Variants in NEU4 observed in about 807,000 individuals in gnomAD.
NEU4 encodes neuraminidase 4, also known as sialidase-4.
NEU4 carries 7 observed loss-of-function variants against 9.9 expected under a neutral mutation model. The observed-to-expected ratio is 0.71, with a 90% CI of 0.40 to 1.33. The LOEUF is 1.33. Among genes scored for constraint, NEU4 ranks in the 40% most tolerant of loss-of-function variants. The pLI, the probability that NEU4 is intolerant of heterozygous loss-of-function variation, is 0.01. For synonymous variants in NEU4, 348 were observed against 316.9 expected, an observed-to-expected ratio of 1.10 and a Z score of -1.04; for missense variants, 717 against 712.6, an observed-to-expected ratio of 1.01 and a Z score of -0.07.
intron 3 of NEU4, chr2:241,815,817 C>T (rs1700307025): frequency 1.7e-6 from 1 of 598,154 alleles, no homozygotes; most frequent in Non-Finnish European, 3.0e-6. Context: ...GGGCAGCGCT[C>T]ACCAGCCTCC....
At chr2:241,812,176 C>G (rs1700138727) in intron 1 of NEU4, among the ~76,000 whole-genome samples, 1 of 131,494 alleles carries the variant, frequency 7.6e-6, no homozygotes. Context: ...GGCACCCACA[C>G]AGGATGGGCT....
rs747353840 is a variant in NEU4, at chr2:241,815,002, G to T, written c.312G>T (p.Ala104=). The change falls in exon 3 of 4, where the codon GCG becomes GCT. Residue 104 remains alanine (A), a synonymous_variant. Transcript: ENST00000407683. ...GCACCGTCTTCCTCTTCTTCATCGC[G>T]GTGCTGGGCCACACGCCTGAGGCCG... ...GTGTVFLFFI[A]VLGHTPEAVQ... 1 of 1,606,856 alleles carries T rather than the reference G, an allele frequency of 6.2e-7. No homozygotes were observed.
intron 1 of NEU4, 26 bp from the exon 2 acceptor site, chr2:241,814,456 A>G (rs1408194400): frequency 1.4e-5 from 22 of 1,598,228 alleles, no homozygotes; most frequent in Non-Finnish European, 1.7e-5. Context: ...TGTCTTGCTG[A>G]CCTGTGGCCC....
rs1435756685 is a variant in NEU4, at chr2:241,817,192, G to A, written c.*144G>A. The stretch of plus-strand genomic sequence containing the variant: ...ACAAGTTGCTCCTCAGAGCTCTCAA[G>A]CAGGGACTGCTCTTTAGGAAGGGGA... On this transcript the variant is annotated 3_prime_UTR_variant, in exon 4 of 4. Coordinates refer to ENST00000407683, the MANE Select transcript of NEU4 (RefSeq NM_001167600.3). 3.6e-6 allele frequency: 3 copies of A among 823,198 alleles called. No homozygotes were observed. Among genetic ancestry groups the A allele is most frequent in the East Asian group, 3.3e-5 (1 of 30,016 alleles). The allele number at this position is 823,198 out of a possible 1,614,324, so 51.0% of individuals were successfully genotyped here. A position where few individuals can be genotyped will look rare whatever the true frequency, so the allele number is the denominator to read the frequency against.
chr2:241,817,290 C>T lies in NEU4; in HGVS notation c.*242C>T. ...CGAAGTGGGCCCTGGGTGACCCCCA[C>T]AGCTCCCTTCCGAGGCTGCAGGGCC... On this transcript the variant is annotated 3_prime_UTR_variant, in exon 4 of 4. Transcript: ENST00000407683. The T allele has an allele frequency of 2.0e-6, 1 of 496,214 alleles. No individual in the cohort carries two copies. The highest frequency in any genetic ancestry group is 4.4e-5 in the South Asian group (1 of 22,620). The allele number at this position is 496,214 out of a possible 1,614,324, so 30.7% of individuals were successfully genotyped here.
chr2:241,812,374 CG>C (rs1448670478), intron 1 of NEU4, among the ~76,000 whole-genome samples: 2 of 152,150 alleles, frequency 1.3e-5, no homozygotes, highest in East Asian at 1.9e-4. Context: ...TCAGGGAGGG[CG>C]GGGGGCACTG....
Position 241,809,579 on chromosome 2 carries a change from C to T in NEU4, c.-4+305C>T, listed in dbSNP as rs1044615415. Reference sequence around the variant, plus strand: ...TGGCTTTCACCCCACGGGGACAGAGCCCCAGATGGGCCCAGGGACCTCTGA... The same window carrying T: ...TGGCTTTCACCCCACGGGGACAGAGTCCCAGATGGGCCCAGGGACCTCTGA... On this transcript the variant is annotated intron_variant, in intron 1 of 3. Transcript: ENST00000407683. 10 of 324,900 alleles carry T rather than the reference C, an allele frequency of 3.1e-5. No individual in the cohort carries two copies. The East Asian group carries it at 3.8e-4, about 12-fold the overall frequency. The allele number at this position is 324,900 out of a possible 1,614,324, so 20.1% of individuals were successfully genotyped here. A position where few individuals can be genotyped will look rare whatever the true frequency, so the allele number is the denominator to read the frequency against.
intron 2 of NEU4, 64 bp downstream of exon 2, chr2:241,814,749 C>T (rs1020634089): frequency 2.4e-5 from 36 of 1,504,274 alleles, no homozygotes; most frequent in Non-Finnish European, 2.9e-5. Context: ...CTGCACACCC[C>T]GGGATGGGGC....
At chr2:241,814,177 C>G (rs4675992) in intron 1 of NEU4, 34,173 of 640,762 alleles carry the variant, frequency 0.053, 5,389 homozygotes, top group East Asian at 0.48. Context: ...CCAGCCTCCC[C>G]TGCACCCTGG....
chr2:241,816,398 C>T lies in NEU4; in HGVS notation c.805C>T (p.Leu269=). Residue 269 remains leucine, a synonymous_variant, in exon 4 of 4, where the codon CTG becomes TTG. Coordinates refer to ENST00000407683, the MANE Select transcript of NEU4 (RefSeq NM_001167600.3). ...CCTGCCCGCAGAGCGCGTGGCTTCC[C>T]TGCCCGAGACTGCCTGGGGCTGCCA... The part of the protein sequence containing the change: ...SFLPAERVAS[L]PETAWGCQGS... 6.2e-7 allele frequency: 1 copy of T among 1,601,860 alleles called. No homozygotes were observed. The highest frequency in any genetic ancestry group is 8.5e-7 in the Non-Finnish European group (1 of 1,176,862).
intron 1 of NEU4, chr2:241,813,296 G>C (rs542036684): frequency 9.7e-7 from 1 of 1,030,966 alleles, no homozygotes; most frequent in Non-Finnish European, 1.2e-6. Context: ...CGTGGTGTCC[G>C]GCATCCGGCC....
rs760529688 is a variant in NEU4, at chr2:241,816,941, A to T, written c.1348A>T (p.Ile450Phe). Residue 450 changes from isoleucine to phenylalanine, a missense_variant, in exon 4 of 4, where the codon ATT (isoleucine) becomes TTT (phenylalanine). Coordinates refer to ENST00000407683, the MANE Select transcript of NEU4 (RefSeq NM_001167600.3). Reference sequence around the variant, plus strand: ...CGGGGCCAGGACCTCCTATGATGAGATTTCCTTTTGTACATTCTCCCTGCG... The same window carrying T: ...CGGGGCCAGGACCTCCTATGATGAGTTTTCCTTTTGTACATTCTCCCTGCG... The part of the protein sequence containing the change: ...ESGARTSYDE[I>F]SFCTFSLREV... The T allele has an allele frequency of 1.5e-5, 24 of 1,612,466 alleles. No homozygotes were observed. In the Admixed American group the frequency reaches 4.0e-4, roughly 27 times the overall value.
chr2:241,815,154 G>C lies in NEU4; in HGVS notation c.457+7G>C. 6.5e-7 allele frequency: 1 copy of C among 1,536,602 alleles called. No homozygotes were observed. The highest frequency in any genetic ancestry group is 1.2e-5 in the South Asian group (1 of 82,676). On this transcript the variant is annotated splice_region_variant and intron_variant, in intron 3 of 3. Transcript: ENST00000407683. ...ATCGGTGGTGCCGTGCAGGGTAGGC[G>C]GGCAGGGTGCCGGTCTGGGTCCCTT...
At position 241,816,236 on chromosome 2, in the gene NEU4, G is replaced by T. The variant is rs1399521942; in HGVS notation, c.643G>T (p.Val215Leu). The T allele has an allele frequency of 6.2e-7, 1 of 1,611,246 alleles. No homozygotes were observed. ...CCGCACCTGGCGCTGTGGAGGCCTC[G>T]TGCCCAACCTGCGCTCAGGCGAGTG... ...HGRTWRCGGL[V>L]PNLRSGECQL... The change falls in exon 4 of 4, where the codon GTG (valine) becomes TTG (leucine). Residue 215 changes from valine to leucine, a missense_variant. Val to Leu is a conservative substitution (Grantham distance 32, BLOSUM62 1). Coordinates refer to ENST00000407683, the MANE Select transcript of NEU4 (RefSeq NM_001167600.3).
rs373908190 is a variant in NEU4, at chr2:241,815,056, G to A, written c.366G>A (p.Ala122=). ...AGATCGCCACGGGAAGGAACGCCGC[G>A]CGCCTCTGCTGTGTGGCCAGCCGTG... is the stretch of plus-strand genomic sequence containing the variant. ...AVQIATGRNA[A]RLCCVASRDA... Residue 122 remains alanine, a synonymous_variant, in exon 3 of 4, where the codon GCG becomes GCA. Coordinates refer to ENST00000407683, the MANE Select transcript of NEU4 (RefSeq NM_001167600.3). 38 of 1,587,694 alleles carry A rather than the reference G, an allele frequency of 2.4e-5. No individual in the cohort carries two copies. The highest frequency in any genetic ancestry group is 5.4e-5 in the African/African-American group (4 of 74,534).
chr2:241,816,553 T>A lies in NEU4; in HGVS notation c.960T>A (p.Ala320=), dbSNP rs1700350409. The A allele has an allele frequency of 6.2e-7, 1 of 1,611,268 alleles. No homozygotes were observed. The highest frequency in any genetic ancestry group is 1.3e-5 in the African/African-American group (1 of 74,890). Residue 320 remains alanine (A), a synonymous_variant, in exon 4 of 4, where the codon GCT becomes GCA. Coordinates refer to ENST00000407683, the MANE Select transcript of NEU4 (RefSeq NM_001167600.3). The part of the protein sequence containing the change: ...GPGVHEPPEE[A]AVDPRGGQVP... ...GAGTCCACGAACCCCCAGAGGAGGC[T>A]GCTGTAGACCCCCGTGGAGGCCAGG...
chr2:241,809,487 G>T lies in NEU4; in HGVS notation c.-4+213G>T, dbSNP rs142845609. The T allele has an allele frequency of 5.6e-3, 1,979 of 350,498 alleles. 11 individuals are homozygous for T. The highest frequency in any genetic ancestry group is 8.6e-3 in the Non-Finnish European group (1,527 of 177,590). 21.7% of individuals were successfully genotyped at this position (350,498 alleles called of 1,614,324 possible). The stretch of plus-strand genomic sequence containing the variant: ...GGCACGTCCCAGCCTTCCGTGTGAT[G>T]CTGGGGTCAGCGTGGCCCCTCGGCT... On this transcript the variant is annotated intron_variant, in intron 1 of 3. Coordinates refer to ENST00000407683, the MANE Select transcript of NEU4 (RefSeq NM_001167600.3).
chr2:241,816,713 A>G lies in NEU4; in HGVS notation c.1120A>G (p.Ser374Gly). Residue 374 changes from serine to glycine, a missense_variant, in exon 4 of 4, where the codon AGC becomes GGC. Transcript: ENST00000407683. ...LPMPFAAPPQSPTWLLYSHPV... is the reference protein window; with the variant it reads ...LPMPFAAPPQGPTWLLYSHPV... ...CATGCCCTTTGCTGCCCCGCCCCAG[A>G]GCCCCACGTGGCTGCTGTACTCCCA... 6.5e-7 allele frequency: 1 copy of G among 1,544,506 alleles called. No homozygotes were observed. The highest frequency in any genetic ancestry group is 8.7e-7 in the Non-Finnish European group (1 of 1,146,866).
intron 1 of NEU4, chr2:241,809,967 G>C (rs1384089394): frequency 6.5e-6 from 1 of 152,724 alleles, no homozygotes; most frequent in African/African-American, 2.4e-5. Context: ...GTAAGCCTGG[G>C]TACTTAGGGG....
Sources: gnomAD v4.1 joint callset for allele counts (sites outside exome capture counted in the v4.1 genomes callset) on GRCh38, gnomAD v4.1.1 for gene constraint, MANE v1.5 for transcripts, NCBI Gene and HGNC (gene_info 2026-07-23, HGNC 2026-07-21) for gene names.